Variants in FAM78B observed in about 807,000 individuals in gnomAD.
FAM78B encodes protein FAM78B.
In FAM78B, 10 loss-of-function variants were observed where a neutral mutation model predicts 20.0. That is an observed-to-expected ratio of 0.50 (90% CI 0.31 to 0.85). FAM78B has a LOEUF of 0.85. Among genes scored for constraint, FAM78B ranks in the 40% least tolerant of loss-of-function variants. The pLI is 0.05. For missense variants in FAM78B, 283 were observed against 345.0 expected (o/e 0.82, Z 1.42); for synonymous variants, 135 against 132.8 (o/e 1.02, Z -0.12).
intron 1 of FAM78B, among the ~76,000 whole-genome samples, chr1:166,144,393 T>C (rs1260533254): frequency 1.3e-5 from 2 of 152,142 alleles, no homozygotes; most frequent in Non-Finnish European, 2.9e-5. Flanking sequence ...TTGTAGGAAA[T>C]GAAAGAGACA....
At chr1:166,063,571 T>TAAAA (rs923690811) in intron 2 of FAM78B, among the ~76,000 whole-genome samples, 7 of 151,798 alleles carry the variant, frequency 4.6e-5, no homozygotes, top group South Asian at 2.1e-4. Flanking sequence ...AAAATAATAA[T>TAAAA]AAAAATATTC....
At chr1:166,089,102 G>C (rs1158150556) in intron 1 of FAM78B, among the ~76,000 whole-genome samples, 2 of 152,166 alleles carry the variant, frequency 1.3e-5, no homozygotes, top group African/African-American at 4.8e-5. Context: ...TTGGGCAACT[G>C]AGTAATCCTT....
chr1:166,139,651 G>A (rs934120856), intron 1 of FAM78B, among the ~76,000 whole-genome samples: 4 of 152,162 alleles, frequency 2.6e-5, no homozygotes, highest in African/African-American at 4.8e-5. Context: ...ATGGGTTTGT[G>A]ACTGGCTTCA....
intron 1 of FAM78B, among the ~76,000 whole-genome samples, chr1:166,108,399 T>C (rs541275255): frequency 1.3e-5 from 2 of 151,922 alleles, no homozygotes; most frequent in South Asian, 4.2e-4. Flanking sequence ...TTACAATAGC[T>C]ACAAAAATAA....
At chr1:166,153,600 G>A (rs1376227715) in intron 1 of FAM78B, among the ~76,000 whole-genome samples, 1 of 152,092 alleles carries the variant, frequency 6.6e-6, no homozygotes, top group African/African-American at 2.4e-5. Context: ...CCTCCTCTAC[G>A]CAGGTCTCCA....
chr1:166,077,712 T>C (rs1054284477), intron 1 of FAM78B, among the ~76,000 whole-genome samples: 1 of 139,136 alleles, frequency 7.2e-6, no homozygotes, highest in Non-Finnish European at 1.5e-5. Context: ...TAAATACATA[T>C]AATTACATAT....
chr1:166,102,330 C>A (rs1217414280), intron 1 of FAM78B, among the ~76,000 whole-genome samples: 3 of 152,170 alleles, frequency 2.0e-5, no homozygotes, highest in Admixed American at 6.5e-5. Context: ...CTAACATCAT[C>A]ATGACAGGAT....
intron 1 of FAM78B, among the ~76,000 whole-genome samples, chr1:166,092,294 C>T (rs1311583487): frequency 6.6e-6 from 1 of 152,142 alleles, no homozygotes; most frequent in Non-Finnish European, 1.5e-5. Flanking sequence ...AGAGCCACAG[C>T]CCTCCTCCTT....
At chr1:166,139,500 C>A (rs1279827757) in intron 1 of FAM78B, among the ~76,000 whole-genome samples, 1 of 152,040 alleles carries the variant, frequency 6.6e-6, no homozygotes, top group Non-Finnish European at 1.5e-5. Context: ...AATTAAAATT[C>A]TATAAAATGG....
At chr1:166,110,261 G>GA (rs928012985) in intron 1 of FAM78B, among the ~76,000 whole-genome samples, 1 of 151,280 alleles carries the variant, frequency 6.6e-6, no homozygotes, top group Non-Finnish European at 1.5e-5. Flanking sequence ...AATAACTTAA[G>GA]AAAAAAATAT....
chr1:166,163,374 C>G (rs1656235028), intron 1 of FAM78B, among the ~76,000 whole-genome samples: 2 of 152,204 alleles, frequency 1.3e-5, no homozygotes, highest in African/African-American at 2.4e-5. Flanking sequence ...CTTTTAGAAG[C>G]CTACCCCTTC....
chr1:166,116,666 G>C (rs769844187), intron 1 of FAM78B, among the ~76,000 whole-genome samples: 2 of 152,260 alleles, frequency 1.3e-5, no homozygotes, highest in African/African-American at 4.8e-5. Flanking sequence ...CACCAACCCC[G>C]AGGCTTTAAT....
chr1:166,084,369 T>C (rs1652721510), intron 1 of FAM78B, among the ~76,000 whole-genome samples: 1 of 152,134 alleles, frequency 6.6e-6, no homozygotes, highest in South Asian at 2.1e-4. Flanking sequence ...GGCATGACTT[T>C]TGGGCTCCAA....
chr1:166,057,850 T>C (rs889550155), exon 3 of FAM78B: 7 of 152,222 alleles, frequency 4.6e-5, no homozygotes, highest in African/African-American at 1.7e-4. Flanking sequence ...AGAAGGGAAA[T>C]TGAACAGGGT....
At chr1:166,104,735 C>T (rs143406465) in intron 1 of FAM78B, among the ~76,000 whole-genome samples, 6,641 of 152,292 alleles carry the variant, frequency 0.044, 183 homozygotes, top group Middle Eastern at 0.14. Context: ...ACATTCCATG[C>T]TCATGGGTAG....
intron 1 of FAM78B, among the ~76,000 whole-genome samples, chr1:166,118,674 A>C (rs1158233841): frequency 1.3e-5 from 2 of 152,172 alleles, no homozygotes; most frequent in Non-Finnish European, 2.9e-5. Flanking sequence ...CACTAAGCCT[A>C]AGATACTTAT....
At chr1:166,132,308 G>A (rs191400290) in intron 1 of FAM78B, among the ~76,000 whole-genome samples, 2 of 150,128 alleles carry the variant, frequency 1.3e-5, no homozygotes, top group Admixed American at 6.6e-5. Flanking sequence ...TAACCCTCGC[G>A]GTGTGAAGAA....
chr1:166,141,372 C>T (rs1655270725), intron 1 of FAM78B, among the ~76,000 whole-genome samples: 1 of 152,130 alleles, frequency 6.6e-6, no homozygotes, highest in Non-Finnish European at 1.5e-5. Context: ...AGTTATCACG[C>T]AAGATATTCC....
At chr1:166,117,357 TTTTTC>T (rs1259398420) in intron 1 of FAM78B, among the ~76,000 whole-genome samples, 4 of 152,312 alleles carry the variant, frequency 2.6e-5, no homozygotes, top group African/African-American at 4.8e-5. Context: ...TTTTTCTCTT[TTTTTC>T]TTTTATTATT....
Sources: allele counts gnomAD v4.1 joint callset (sites outside exome capture counted in the v4.1 genomes callset), GRCh38; gene constraint gnomAD v4.1.1; transcripts MANE v1.5; gene names NCBI Gene and HGNC (gene_info 2026-07-23, HGNC 2026-07-21).